The following R3HCC1L variants were observed in gnomAD, a reference collection of about 807,000 sequenced individuals.
R3HCC1L encodes R3H domain and coiled-coil containing 1 like.
R3HCC1L carries 51 observed loss-of-function variants against 59.9 expected under a neutral mutation model. The ratio of observed to expected loss-of-function variants is 0.85; its 90% CI spans 0.68 to 1.07. The LOEUF is 1.07. R3HCC1L is among the 50% of genes least tolerant of loss of function. The pLI is 0.00. For missense variants in R3HCC1L, 965 were observed against 933.0 expected, an observed-to-expected ratio of 1.03 and a Z score of -0.45; for synonymous variants, 322 against 315.2, an observed-to-expected ratio of 1.02 and a Z score of -0.23.
At chr10:98,227,657 G>T (rs1468244249) in intron 5 of R3HCC1L, among the ~76,000 whole-genome samples, 2 of 151,204 alleles carry the variant, frequency 1.3e-5, no homozygotes, top group African/African-American at 4.9e-5. Flanking sequence ...ATGTATACAG[G>T]TGCCATGTTG....
intron 2 of R3HCC1L, among the ~76,000 whole-genome samples, chr10:98,160,058 C>T (rs1443774264): frequency 1.3e-5 from 2 of 152,226 alleles, no homozygotes; most frequent in African/African-American, 4.8e-5. Context: ...TTCCTTTCCT[C>T]ATTCCTTATT....
intron 6 of R3HCC1L, among the ~76,000 whole-genome samples, chr10:98,232,642 G>T (rs192417464): frequency 6.6e-6 from 1 of 152,166 alleles, no homozygotes; most frequent in East Asian, 1.9e-4. Context: ...TATTTAAAAT[G>T]AACCAGGTCT....
intron 4 of R3HCC1L, among the ~76,000 whole-genome samples, chr10:98,191,458 A>C (rs1447183774): frequency 6.6e-6 from 1 of 152,184 alleles, no homozygotes; most frequent in Non-Finnish European, 1.5e-5. Context: ...TCTTCTTTTG[A>C]GAAGTGTCTG....
At chr10:98,233,707 T>A (rs540729597) in intron 6 of R3HCC1L, among the ~76,000 whole-genome samples, 1 of 152,344 alleles carries the variant, frequency 6.6e-6, no homozygotes, top group South Asian at 2.1e-4. Flanking sequence ...CACTAGGTAG[T>A]TGTTCTCCAA....
At chr10:98,164,569 TA>T (rs1258128232) in intron 4 of R3HCC1L, among the ~76,000 whole-genome samples, 31 of 152,262 alleles carry the variant, frequency 2.0e-4, no homozygotes, top group African/African-American at 6.7e-4. Flanking sequence ...TTAGGAGTAT[TA>T]TTTTTTTTTT....
chr10:98,231,046 A>G, intron 5 of R3HCC1L: 2 of 423,212 alleles, frequency 4.7e-6, no homozygotes, highest in Middle Eastern at 3.7e-4. Flanking sequence ...AAAGTGAAGT[A>G]AAAAAGTTTT....
intron 4 of R3HCC1L, among the ~76,000 whole-genome samples, chr10:98,196,220 A>G (rs1851419474): frequency 2.6e-5 from 4 of 152,144 alleles, no homozygotes; most frequent in Admixed American, 2.6e-4. Context: ...CCTTTATTAC[A>G]GTTAACCCAT....
At chr10:98,172,964 C>T (rs1848660565) in intron 4 of R3HCC1L, among the ~76,000 whole-genome samples, 1 of 152,156 alleles carries the variant, frequency 6.6e-6, no homozygotes, top group Non-Finnish European at 1.5e-5. Flanking sequence ...TACAGTAATT[C>T]TGTCATTGTG....
intron 5 of R3HCC1L, among the ~76,000 whole-genome samples, chr10:98,213,357 A>G (rs559176832): frequency 4.6e-5 from 7 of 152,280 alleles, no homozygotes; most frequent in Admixed American, 3.9e-4. Flanking sequence ...GAAGTTGTTC[A>G]TGTTTTATTT....
chr10:98,192,694 G>C (rs1850995114), intron 4 of R3HCC1L, among the ~76,000 whole-genome samples: 1 of 152,014 alleles, frequency 6.6e-6, no homozygotes, highest in South Asian at 2.1e-4. Context: ...GGCTTCATTG[G>C]GGAATTCTAC....
intron 5 of R3HCC1L, among the ~76,000 whole-genome samples, chr10:98,219,623 T>C (rs1369063364): frequency 6.6e-6 from 1 of 152,210 alleles, no homozygotes; most frequent in Non-Finnish European, 1.5e-5. Flanking sequence ...CATGTGTTTT[T>C]ATGATGGTAG....
chr10:98,165,910 G>T (rs1281535454), intron 4 of R3HCC1L, among the ~76,000 whole-genome samples: 3 of 152,106 alleles, frequency 2.0e-5, no homozygotes, highest in Non-Finnish European at 4.4e-5. Flanking sequence ...GATGGCTCAT[G>T]CCTGTAATCC....
intron 5 of R3HCC1L, among the ~76,000 whole-genome samples, chr10:98,219,388 T>G (rs1014422907): frequency 1.3e-5 from 2 of 152,258 alleles, no homozygotes; most frequent in Non-Finnish European, 2.9e-5. Flanking sequence ...TGTTTATTAA[T>G]CTGTTCAGCC....
intron 6 of R3HCC1L, 103 bp from the exon 7 acceptor site, chr10:98,234,343 G>A (rs1296176173): frequency 3.9e-6 from 4 of 1,017,660 alleles, no homozygotes; most frequent in Non-Finnish European, 6.0e-6. Context: ...TGCACTCGTT[G>A]AGTGTTTCTA....
intron 4 of R3HCC1L, among the ~76,000 whole-genome samples, chr10:98,192,649 A>G (rs923284999): frequency 2.0e-5 from 3 of 152,192 alleles, no homozygotes; most frequent in African/African-American, 7.2e-5. Flanking sequence ...TTAGTAAGCA[A>G]AAATCTCCTA....
At position 98,235,936 on chromosome 10, in the gene R3HCC1L, T is replaced by G; in HGVS notation, c.2129-88T>G. 2.9e-6 allele frequency: 4 copies of G among 1,402,634 alleles called. No individual in the cohort carries two copies. The Admixed American group carries it at 8.6e-5, about 30-fold the overall frequency. The allele number at this position is 1,402,634 out of a possible 1,614,324, so 86.9% of individuals were successfully genotyped here. ...TGATGCAGCCCTTGTTAGTCTATTT[T>G]GTATGTTAATTACTGAGTTAAATCA... On this transcript the variant is annotated intron_variant, in intron 8 of 9. Coordinates refer to ENST00000298999, the MANE Select transcript of R3HCC1L (RefSeq NM_001351015.2).
intron 1 of R3HCC1L, among the ~76,000 whole-genome samples, chr10:98,136,205 T>C (rs1041591744): frequency 1.3e-5 from 2 of 152,252 alleles, no homozygotes; most frequent in South Asian, 4.1e-4. Context: ...TAGTTAGGTA[T>C]TTTTAGTCTG....
chr10:98,179,944 T>C (rs1054292837), intron 4 of R3HCC1L, among the ~76,000 whole-genome samples: 8 of 151,898 alleles, frequency 5.3e-5, no homozygotes, highest in Non-Finnish European at 8.8e-5. Context: ...ATCTATTTGA[T>C]TCTTCTCTTC....
chr10:98,154,301 G>A (rs1367505377), intron 1 of R3HCC1L, among the ~76,000 whole-genome samples: 2 of 151,994 alleles, frequency 1.3e-5, no homozygotes, highest in South Asian at 2.1e-4. Flanking sequence ...GCGTGTACAC[G>A]TGTCATTTTA....
Sources: allele counts gnomAD v4.1 joint callset (sites outside exome capture counted in the v4.1 genomes callset), GRCh38; gene constraint gnomAD v4.1.1; transcripts MANE v1.5; gene names NCBI Gene and HGNC (gene_info 2026-07-23, HGNC 2026-07-21).